RNF144A: variants seen among roughly 807,000 people sequenced by gnomAD.
The protein encoded by RNF144A is E3 ubiquitin-protein ligase RNF144A.
RNF144A carries 11 observed loss-of-function variants against 38.7 expected under a neutral mutation model. The ratio of observed to expected loss-of-function variants is 0.28; its 90% CI spans 0.18 to 0.47. RNF144A has a LOEUF of 0.47. RNF144A is among the 20% of genes least tolerant of loss of function. RNF144A has a pLI of 0.99. For missense variants in RNF144A, 316 were observed against 377.2 expected, an observed-to-expected ratio of 0.84 and a Z score of 1.34; for synonymous variants, 149 against 143.9, an observed-to-expected ratio of 1.04 and a Z score of -0.25.
At chr2:6,967,085 T>A (rs972726429) in intron 2 of RNF144A, among the ~76,000 whole-genome samples, 2 of 152,168 alleles carry the variant, frequency 1.3e-5, no homozygotes, top group African/African-American at 2.4e-5. Context: ...ATCCCCCATA[T>A]GCCTGTATGA....
chr2:7,005,804 T>G (rs1670402018), intron 3 of RNF144A, among the ~76,000 whole-genome samples: 1 of 152,028 alleles, frequency 6.6e-6, no homozygotes, highest in South Asian at 2.1e-4. Flanking sequence ...GGCAGGATTC[T>G]CCATCTCATG....
chr2:7,040,697 T>G lies in RNF144A; in HGVS notation c.*937T>G, dbSNP rs1672992095. On this transcript the variant is annotated 3_prime_UTR_variant, in exon 9 of 9. Transcript: ENST00000320892. ...CTGGCCTCAGTCTTCAGATAGACAG[T>G]AAGAAGAAAGCAGCCTCATTGATCC... 1.0e-6 allele frequency: 1 copy of G among 985,360 alleles called. No individual in the cohort carries two copies. Among genetic ancestry groups the G allele is most frequent in the Non-Finnish European group, 1.2e-6 (1 of 829,958 alleles). 61.0% of individuals were successfully genotyped at this position (985,360 alleles called of 1,614,324 possible).
intron 3 of RNF144A, among the ~76,000 whole-genome samples, chr2:7,008,676 G>A (rs1481261050): frequency 6.6e-6 from 1 of 152,162 alleles, no homozygotes; most frequent in Admixed American, 6.5e-5. Flanking sequence ...TCTCCTGACT[G>A]CTGTTTGTCT....
chr2:6,933,610 C>A (rs1665349644), intron 1 of RNF144A, among the ~76,000 whole-genome samples: 1 of 150,758 alleles, frequency 6.6e-6, no homozygotes, highest in Non-Finnish European at 1.5e-5. Context: ...GAATAAAAAA[C>A]AACTTTGAAA....
At chr2:6,929,864 A>G (rs201324943) in intron 1 of RNF144A, among the ~76,000 whole-genome samples, 1 of 152,234 alleles carries the variant, frequency 6.6e-6, no homozygotes, top group African/African-American at 2.4e-5. Context: ...TAAAAAAACA[A>G]TTCTAAGAGA....
At chr2:7,026,493 T>C (rs1299929912) in intron 7 of RNF144A, among the ~76,000 whole-genome samples, 1 of 146,984 alleles carries the variant, frequency 6.8e-6, no homozygotes, top group East Asian at 2.0e-4. Context: ...TATTTTACTG[T>C]ATTCCAGTTT....
At chr2:6,946,339 A>G (rs1572240887) in intron 2 of RNF144A, among the ~76,000 whole-genome samples, 1 of 152,228 alleles carries the variant, frequency 6.6e-6, no homozygotes, top group Admixed American at 6.5e-5. Flanking sequence ...TCTTGCCTTT[A>G]TAATTTGTTA....
At chr2:6,937,836 A>G (rs1228494943) in intron 1 of RNF144A, among the ~76,000 whole-genome samples, 1 of 152,194 alleles carries the variant, frequency 6.6e-6, no homozygotes, top group Non-Finnish European at 1.5e-5. Flanking sequence ...GAATGTTGCA[A>G]AAAAATTAGC....
intron 6 of RNF144A, among the ~76,000 whole-genome samples, chr2:7,056,098 T>G (rs1288105699): frequency 6.6e-6 from 1 of 152,192 alleles, no homozygotes; most frequent in Non-Finnish European, 1.5e-5. Flanking sequence ...ATTTTAGCAT[T>G]AGAGTTAATG....
At position 7,040,881 on chromosome 2, in the gene RNF144A, A is replaced by G. The variant is rs1351409264; in HGVS notation, c.*1121A>G. 47 of 985,314 alleles carry G rather than the reference A, an allele frequency of 4.8e-5. No homozygotes were observed. The highest frequency in any genetic ancestry group is 5.5e-5 in the Non-Finnish European group (46 of 829,930). The allele number at this position is 985,314 out of a possible 1,614,324, so 61.0% of individuals were successfully genotyped here. A position where few individuals can be genotyped will look rare whatever the true frequency, so the allele number is the denominator to read the frequency against. On this transcript the variant is annotated 3_prime_UTR_variant, in exon 9 of 9. Coordinates refer to ENST00000320892, the MANE Select transcript of RNF144A (RefSeq NM_014746.6). The stretch of plus-strand genomic sequence containing the variant: ...GCTAACCGTTTTGCTCTTGTTGGGG[A>G]AAAGAACCTCCCATTTCACTTCGTT...
intron 2 of RNF144A, among the ~76,000 whole-genome samples, chr2:6,967,756 C>G (rs930112019): frequency 3.9e-5 from 6 of 152,224 alleles, no homozygotes; most frequent in Non-Finnish European, 8.8e-5. Context: ...GCATAGGAAT[C>G]ATTGTCTCAG....
intron 2 of RNF144A, among the ~76,000 whole-genome samples, chr2:6,989,196 C>G (rs145291568): frequency 8.7e-4 from 132 of 152,334 alleles, no homozygotes; most frequent in Non-Finnish European, 1.7e-3. Context: ...TGTGTGCACA[C>G]AAGTCTATAC....
At chr2:6,919,078 C>T (rs192525171) in intron 1 of RNF144A, among the ~76,000 whole-genome samples, 32 of 151,468 alleles carry the variant, frequency 2.1e-4, no homozygotes, top group African/African-American at 6.8e-4. Flanking sequence ...TTGGTGTAGA[C>T]GCCTGTGGAG....
At chr2:7,054,547 G>A (rs1035035338) in intron 6 of RNF144A, among the ~76,000 whole-genome samples, 1 of 152,190 alleles carries the variant, frequency 6.6e-6, no homozygotes, top group Admixed American at 6.5e-5. Context: ...CCTCATAGGT[G>A]CTAGTACCTA....
chr2:7,012,015 C>T (rs1670850457), intron 3 of RNF144A, among the ~76,000 whole-genome samples: 1 of 152,174 alleles, frequency 6.6e-6, no homozygotes, highest in Admixed American at 6.5e-5. Context: ...CTTCATGCCA[C>T]TTTTAATTGT....
intron 2 of RNF144A, among the ~76,000 whole-genome samples, chr2:6,984,268 G>C (rs1024336387): frequency 2.6e-5 from 4 of 152,056 alleles, no homozygotes; most frequent in African/African-American, 9.7e-5. Context: ...TTTCCAGCAA[G>C]GAGAGCACTG....
intron 7 of RNF144A, 94 bp downstream of exon 7, chr2:7,024,610 G>A: frequency 7.1e-7 from 1 of 1,416,854 alleles, no homozygotes; most frequent in South Asian, 1.3e-5. Flanking sequence ...TAAAGAGCTT[G>A]GTGCCTACTC....
downstream of RNF144A, among the ~76,000 whole-genome samples, chr2:7,071,556 T>G (rs1252988819): frequency 6.6e-6 from 1 of 152,242 alleles, no homozygotes; most frequent in Non-Finnish European, 1.5e-5. Context: ...TTGCAGCACC[T>G]ATGTGATCAC....
chr2:6,957,245 G>A (rs1236434462), intron 2 of RNF144A, among the ~76,000 whole-genome samples: 1 of 152,236 alleles, frequency 6.6e-6, no homozygotes, highest in Non-Finnish European at 1.5e-5. Context: ...TGTCCTGCAT[G>A]TAGGGCTTTA....
Sources: allele counts gnomAD v4.1 joint callset (sites outside exome capture counted in the v4.1 genomes callset), GRCh38; gene constraint gnomAD v4.1.1; transcripts MANE v1.5; gene names NCBI Gene and HGNC (gene_info 2026-07-23, HGNC 2026-07-21).